The following SPECC1 variants were observed in gnomAD, a reference collection of about 807,000 sequenced individuals.
SPECC1 encodes cytospin-B.
SPECC1 carries 62 observed loss-of-function variants against 104.1 expected under a neutral mutation model. The ratio of observed to expected loss-of-function variants is 0.60; its 90% CI spans 0.49 to 0.74. SPECC1 has a LOEUF of 0.74. SPECC1 is among the 30% of genes least tolerant of loss of function. The probability of loss-of-function intolerance (pLI) is 0.00; values close to 1 mark genes in which losing one functional copy is unlikely to be tolerated. For missense variants in SPECC1, 1,306 were observed against 1,310.5 expected, an observed-to-expected ratio of 1.00 and a Z score of 0.05; for synonymous variants, 513 against 501.6, an observed-to-expected ratio of 1.02 and a Z score of -0.30.
At chr17:20,130,903 C>G (rs2049584782) in intron 3 of SPECC1, among the ~76,000 whole-genome samples, 2 of 152,120 alleles carry the variant, frequency 1.3e-5, no homozygotes, top group African/African-American at 2.4e-5. Context: ...CTTTCATCAG[C>G]ATTTTGTAGT....
intron 13 of SPECC1, among the ~76,000 whole-genome samples, chr17:20,302,905 A>C (rs900966693): frequency 8.0e-6 from 1 of 125,582 alleles, no homozygotes; most frequent in African/African-American, 3.3e-5. Context: ...AAAAAAAAAG[A>C]GGAAAGAAAA....
intron 3 of SPECC1, among the ~76,000 whole-genome samples, chr17:20,185,463 A>T (rs935155144): frequency 5.3e-5 from 8 of 152,238 alleles, no homozygotes; most frequent in African/African-American, 1.9e-4. Flanking sequence ...ATGGTGCTCC[A>T]GCCCACAGTC....
intron 13 of SPECC1, among the ~76,000 whole-genome samples, chr17:20,298,316 AG>A (rs1257688896): frequency 1.3e-5 from 2 of 152,124 alleles, no homozygotes; most frequent in Admixed American, 6.6e-5. Flanking sequence ...CCTGGGCAAC[AG>A]AGCAAGACTC....
At chr17:20,299,253 G>C (rs2041479587) in intron 13 of SPECC1, among the ~76,000 whole-genome samples, 1 of 151,946 alleles carries the variant, frequency 6.6e-6, no homozygotes, top group South Asian at 2.1e-4. Context: ...AAAGTCTCCT[G>C]CTTTAAATGT....
chr17:20,047,702 A>G (rs1388897456), intron 1 of SPECC1, among the ~76,000 whole-genome samples: 2 of 151,604 alleles, frequency 1.3e-5, no homozygotes, highest in East Asian at 3.9e-4. Context: ...GGTTCATGCC[A>G]TTCTCCTGCC....
chr17:20,185,475 G>A (rs1053667338), intron 3 of SPECC1, among the ~76,000 whole-genome samples: 3 of 152,354 alleles, frequency 2.0e-5, no homozygotes, highest in Middle Eastern at 3.4e-3. Context: ...CCCACAGTCC[G>A]TGGAGCTGTC....
At chr17:20,201,961 A>G (rs2036462935) in intron 3 of SPECC1, among the ~76,000 whole-genome samples, 1 of 152,244 alleles carries the variant, frequency 6.6e-6, no homozygotes, top group African/African-American at 2.4e-5. Context: ...AGAAAAAGTT[A>G]CATATGTCAT....
chr17:20,274,671 G>T (rs567813785), intron 12 of SPECC1, among the ~76,000 whole-genome samples: 3 of 151,600 alleles, frequency 2.0e-5, no homozygotes, highest in Admixed American at 6.6e-5. Flanking sequence ...TAGTAGAGAC[G>T]AGGTTTCACC....
intron 1 of SPECC1, among the ~76,000 whole-genome samples, chr17:20,088,702 T>G (rs142608700): frequency 1.2e-3 from 188 of 152,310 alleles, no homozygotes; most frequent in African/African-American, 4.5e-3. Context: ...GGGGTCAGCG[T>G]GGCTCAGCCG....
chr17:20,104,010 G>T (rs1437220404), intron 2 of SPECC1, among the ~76,000 whole-genome samples: 1 of 152,180 alleles, frequency 6.6e-6, no homozygotes, highest in Non-Finnish European at 1.5e-5. Context: ...CTGCATCCAG[G>T]CCCTAGGCTA....
chr17:20,117,509 AGATGT>A (rs2048817406), intron 3 of SPECC1, among the ~76,000 whole-genome samples: 2 of 152,094 alleles, frequency 1.3e-5, no homozygotes, highest in Admixed American at 1.3e-4. Flanking sequence ...AAAATAGGCC[AGATGT>A]GGTGGCTCAT....
chr17:20,238,259 C>T (rs2039026841), intron 7 of SPECC1: 1 of 1,041,032 alleles, frequency 9.6e-7, no homozygotes, highest in African/African-American at 1.7e-5. Flanking sequence ...GACAACTACA[C>T]CAAAGTTTCA....
chr17:20,303,053 G>A (rs1391398674), intron 13 of SPECC1, among the ~76,000 whole-genome samples: 1 of 152,000 alleles, frequency 6.6e-6, no homozygotes, highest in African/African-American at 2.4e-5. Flanking sequence ...ATTTGGCAGA[G>A]ACAGTACAGG....
At chr17:20,051,133 T>TTCTTTCTTTCCTTCTTTCC (rs1354584552) in intron 1 of SPECC1, among the ~76,000 whole-genome samples, 12 of 40,830 alleles carry the variant, frequency 2.9e-4, no homozygotes, top group African/African-American at 9.4e-4. Context: ...TCTTTCTTTC[T>TTCTTTCTTTCCTTCTTTCC]TTCTTTCCTT....
Position 20,227,609 on chromosome 17 carries a change from G to A in SPECC1, c.2060G>A (p.Ser687Asn), listed in dbSNP as rs1394830860. ...AVKLHNNQLI[S>N]ELESSVIKLE... Reference sequence around the variant, plus strand: ...AAGTTACACAATAATCAACTCATCAGTGAGCTAGAAAGTAAGTGGGGTCTG... The same window carrying A: ...AAGTTACACAATAATCAACTCATCAATGAGCTAGAAAGTAAGTGGGGTCTG... Residue 687 changes from serine (S) to asparagine (N), a missense_variant, in exon 5 of 15, where the codon AGT becomes AAT. Ser to Asn is a conservative substitution (Grantham distance 46). Around this residue, in one of 2 missense-constraint regions of SPECC1, gnomAD observed 1,177 missense variants for 1,139.9 expected, o/e 1.03. Coordinates refer to ENST00000395527, the MANE Select transcript of SPECC1 (RefSeq NM_001243439.2). The A allele has an allele frequency of 1.2e-6, 2 of 1,611,524 alleles. No individual in the cohort carries two copies. The highest frequency in any genetic ancestry group is 1.7e-6 in the Non-Finnish European group (2 of 1,179,432).
chr17:20,137,531 A>G (rs2030146684), intron 3 of SPECC1, among the ~76,000 whole-genome samples: 1 of 152,222 alleles, frequency 6.6e-6, no homozygotes, highest in Admixed American at 6.5e-5. Flanking sequence ...CTACTTAGGA[A>G]TTATGGCAAA....
intron 12 of SPECC1, among the ~76,000 whole-genome samples, chr17:20,269,538 T>G (rs1418805232): frequency 6.6e-6 from 1 of 152,212 alleles, no homozygotes; most frequent in African/African-American, 2.4e-5. Flanking sequence ...TTCTCCTGCC[T>G]CAGTCTCCCG....
chr17:20,171,263 T>A (rs938930559), intron 3 of SPECC1, among the ~76,000 whole-genome samples: 2 of 152,228 alleles, frequency 1.3e-5, no homozygotes, highest in African/African-American at 4.8e-5. Flanking sequence ...TTTGTTTGCC[T>A]GTTTGTATTT....
rs1567632740 is a variant in SPECC1 at position 20,318,960 on chromosome 17, CTA to C, written c.*4897_*4898del. ...TGACATGCTAATTAGATGTATTTAA[CTA>C]TTCATAGGAAAGTGTATGATAAATG... On this transcript the variant is annotated 3_prime_UTR_variant, in exon 15 of 15. Coordinates refer to ENST00000395527, the MANE Select transcript of SPECC1 (RefSeq NM_001243439.2). 1 of 182,922 alleles carries C rather than the reference CTA, an allele frequency of 5.5e-6. No individual in the cohort carries two copies. Among genetic ancestry groups the C allele is most frequent in the African/African-American group, 2.4e-5 (1 of 42,244 alleles). 11.3% of individuals were successfully genotyped at this position (182,922 alleles called of 1,614,324 possible). A position where few individuals can be genotyped will look rare whatever the true frequency, so the allele number is the denominator to read the frequency against.
Sources: gnomAD v4.1 joint callset for allele counts (sites outside exome capture counted in the v4.1 genomes callset) on GRCh38, gnomAD v4.1.1 for gene constraint, gnomAD v4.1.1 regional missense constraint, MANE v1.5 for transcripts, NCBI Gene and HGNC (gene_info 2026-07-23, HGNC 2026-07-21) for gene names.